The following MATR3 variants were observed in gnomAD, a reference collection of about 807,000 sequenced individuals.
MATR3 encodes matrin-3.
Under a neutral mutation model 85.5 loss-of-function variants are expected in MATR3, and 4 were observed. That is an observed-to-expected ratio of 0.05 (90% confidence interval 0.02 to 0.11). The LOEUF (loss-of-function observed/expected upper bound fraction) is 0.11. MATR3 is among the 10% of genes least tolerant of loss of function. MATR3 has a pLI of 1.00. For synonymous variants in MATR3, 336 were observed against 343.1 expected, an observed-to-expected ratio of 0.98 and a Z score of 0.23; for missense variants, 685 against 1,016.1, an observed-to-expected ratio of 0.67 and a Z score of 4.43.
intron 2 of MATR3, 89 bp downstream of exon 2, chr5:139,308,416 A>T (rs1360474506): frequency 4.1e-6 from 6 of 1,472,730 alleles, no homozygotes; most frequent in Non-Finnish European, 5.7e-6. Flanking sequence ...TAGTCTGATG[A>T]CATTGAGTTG....
At chr5:139,274,324 C>T (rs1221728516) in intron 1 of MATR3, 1 of 347,684 alleles carries the variant, frequency 2.9e-6, no homozygotes, top group Non-Finnish European at 5.7e-6. Flanking sequence ...TCGGAGTCGT[C>T]CCCTGTTTTT....
chr5:139,274,322 G>T (rs1245648312), intron 1 of MATR3: 3 of 347,246 alleles, frequency 8.6e-6, no homozygotes, highest in South Asian at 2.3e-5. Flanking sequence ...CCTCGGAGTC[G>T]TCCCCTGTTT....
intron 5 of MATR3, 37 bp downstream of exon 5, chr5:139,316,225 A>G (rs1755235245): frequency 2.0e-6 from 3 of 1,485,658 alleles, no homozygotes; most frequent in Non-Finnish European, 1.9e-6. Flanking sequence ...TTCCCTACAG[A>G]GCCGTTACTG....
intron 2 of MATR3, chr5:139,278,621 A>C (rs1753390425): frequency 2.8e-6 from 1 of 359,306 alleles, no homozygotes; most frequent in African/African-American, 2.1e-5. Context: ...GCATAAAACA[A>C]CTGAAAACAC....
Position 139,330,418 on chromosome 5 carries a change from A to G in MATR3, c.*1023A>G, listed in dbSNP as rs1309716114. ...AAACCCTAGGCCATGTTAATTGGTTATACATGTTTGGAATGTTAACCAACG... is the reference window on the plus strand; with the variant it reads ...AAACCCTAGGCCATGTTAATTGGTTGTACATGTTTGGAATGTTAACCAACG... On this transcript the variant is annotated 3_prime_UTR_variant, in exon 15 of 15. Transcript: ENST00000394805. 1 of 454,420 alleles carries G rather than the reference A, an allele frequency of 2.2e-6. No homozygotes were observed. Among genetic ancestry groups the G allele is most frequent in the African/African-American group, 2.0e-5 (1 of 50,004 alleles). The allele number at this position is 454,420 out of a possible 1,614,324, so 28.1% of individuals were successfully genotyped here.
In MATR3 at chr5:139,330,268, AC is replaced by A. The variant is rs1756073328; in HGVS notation, c.*875del. On this transcript the variant is annotated 3_prime_UTR_variant, in exon 15 of 15. Transcript: ENST00000394805. ...CTAGATGCACGCTTCTAATTCATGT[AC>A]CTGCACATGTGACCTTTGTGAACAG... 2.2e-6 allele frequency: 1 copy of A among 453,730 alleles called. No individual in the cohort carries two copies. Among genetic ancestry groups the A allele is most frequent in the African/African-American group, 2.0e-5 (1 of 49,968 alleles). The allele number at this position is 453,730 out of a possible 1,614,324, so 28.1% of individuals were successfully genotyped here. A position where few individuals can be genotyped will look rare whatever the true frequency, so the allele number is the denominator to read the frequency against.
intron 10 of MATR3, 83 bp downstream of exon 10, chr5:139,322,112 T>C: frequency 6.9e-7 from 1 of 1,445,394 alleles, no homozygotes; most frequent in Non-Finnish European, 9.7e-7. Flanking sequence ...CATTTTTGTA[T>C]GCTAAAAATA....
intron 7 of MATR3, 25 bp from the exon 8 acceptor site, chr5:139,318,883 G>T (rs767963255): frequency 1.8e-5 from 29 of 1,613,166 alleles, no homozygotes; most frequent in Non-Finnish European, 2.0e-5. Flanking sequence ...AAAAAACAGA[G>T]AAATAACTTT....
chr5:139,301,867 T>A (rs1277691597), intron 1 of MATR3, among the ~76,000 whole-genome samples: 1 of 152,204 alleles, frequency 6.6e-6, no homozygotes, highest in Non-Finnish European at 1.5e-5. Flanking sequence ...ATTCCAGGTC[T>A]GAGTGGGAAT....
In MATR3 at chr5:139,322,815, G is replaced by A. The variant is rs760871542; in HGVS notation, c.1996G>A (p.Ala666Thr). ...DELLVDEEEA[A>T]ALLESGSSVG... ...GCTACTTGTAGATGAAGAAGAAGCA[G>A]CAGCACTGCTAGAAAGTGGCAGTTC... Residue 666 changes from alanine to threonine, a missense_variant, in exon 12 of 15, where the codon GCA becomes ACA. Ala to Thr is a moderately conservative substitution (Grantham distance 58). Around this residue, in one of 9 missense-constraint regions of MATR3, gnomAD observed 215 missense variants for 194.7 expected, o/e 1.10. Coordinates refer to ENST00000394805, the MANE Select transcript of MATR3 (RefSeq NM_018834.6). 1 of 1,614,206 alleles carries A rather than the reference G, an allele frequency of 6.2e-7. No homozygotes were observed. Among genetic ancestry groups the A allele is most frequent in the East Asian group, 2.2e-5 (1 of 44,888 alleles).
At chr5:139,322,432 T>C (rs199876482) in intron 10 of MATR3, 31 bp from the exon 11 acceptor site, 6 of 1,589,554 alleles carry the variant, frequency 3.8e-6, no homozygotes, top group Non-Finnish European at 5.2e-6. Flanking sequence ...TCTGCAAATG[T>C]GTTAACTTCT....
Position 139,318,518 on chromosome 5 carries a change from C to T in MATR3, c.1309-390C>T, listed in dbSNP as rs570692271. ...GGCTGGAGTGCAGTGAGGTTCACTG[C>T]AGCCTCCACCTCCCAGGTTCAAGCC... On this transcript the variant is annotated intron_variant, in intron 7 of 14. Coordinates refer to ENST00000394805, the MANE Select transcript of MATR3 (RefSeq NM_018834.6). 2.0e-5 allele frequency among the ~76,000 whole-genome samples: 3 copies of T among 152,294 alleles called. No individual in the cohort carries two copies. The East Asian group carries it at 5.8e-4, about 29-fold the overall frequency.
rs769044248 is a variant in MATR3, at chr5:139,329,492, C to T, written c.*97C>T. The T allele has an allele frequency of 9.9e-7, 1 of 1,005,068 alleles. No homozygotes were observed. The highest frequency in any genetic ancestry group is 1.3e-5 in the South Asian group (1 of 76,684). The allele number at this position is 1,005,068 out of a possible 1,614,324, so 62.3% of individuals were successfully genotyped here. A position where few individuals can be genotyped will look rare whatever the true frequency, so the allele number is the denominator to read the frequency against. ...TACAATACTGATAGTTAGAAGAAAACTATTGTACTCTTTTGTTTTAGTGGA... is the reference window on the plus strand; with the variant it reads ...TACAATACTGATAGTTAGAAGAAAATTATTGTACTCTTTTGTTTTAGTGGA... On this transcript the variant is annotated 3_prime_UTR_variant, in exon 15 of 15. Coordinates refer to ENST00000394805, the MANE Select transcript of MATR3 (RefSeq NM_018834.6).
intron 12 of MATR3, 175 bp from the exon 13 acceptor site, chr5:139,325,265 T>G: frequency 1.3e-6 from 2 of 1,550,360 alleles, no homozygotes; most frequent in South Asian, 2.4e-5. Context: ...GCAGGATAAT[T>G]GTTGCAGAGT....
chr5:139,297,209 AT>A (rs1259618131), intron 1 of MATR3, among the ~76,000 whole-genome samples: 1 of 152,202 alleles, frequency 6.6e-6, no homozygotes, highest in Non-Finnish European at 1.5e-5. Flanking sequence ...TTGACTTAAC[AT>A]TTGGGATGGA....
chr5:139,315,925 G>A, intron 4 of MATR3, 151 bp from the exon 5 acceptor site: 2 of 767,344 alleles, frequency 2.6e-6, no homozygotes, highest in South Asian at 3.1e-5. Flanking sequence ...TTCTTTTATT[G>A]TTAATGTAGA....
chr5:139,323,200 T>C (rs903941690), intron 12 of MATR3, among the ~76,000 whole-genome samples: 1 of 151,798 alleles, frequency 6.6e-6, no homozygotes, highest in East Asian at 1.9e-4. Context: ...TCAGTAAAAA[T>C]GAGGGAGAAA....
chr5:139,281,918 A>G (rs1753546800), intron 3 of MATR3, among the ~76,000 whole-genome samples: 1 of 152,222 alleles, frequency 6.6e-6, no homozygotes, highest in Admixed American at 6.5e-5. Context: ...AATAAACACT[A>G]TTCCTGGCAC....
intron 12 of MATR3, 98 bp from the exon 13 acceptor site, chr5:139,325,342 T>C (rs760014007): frequency 7.6e-6 from 12 of 1,586,014 alleles, no homozygotes; most frequent in Admixed American, 3.6e-5. Context: ...CTAGATGAGG[T>C]TGGTGATGAG....
Sources: allele counts gnomAD v4.1 joint callset (sites outside exome capture counted in the v4.1 genomes callset), GRCh38; gene constraint gnomAD v4.1.1; regional missense constraint gnomAD v4.1.1; transcripts MANE v1.5; gene names NCBI Gene and HGNC (gene_info 2026-07-23, HGNC 2026-07-21).